The following ROS1 variants were observed in gnomAD, a reference collection of about 807,000 sequenced individuals.
The protein encoded by ROS1 is ROS proto-oncogene 1, receptor tyrosine kinase, also known as proto-oncogene tyrosine-protein kinase ROS.
Under a neutral mutation model 273.5 loss-of-function variants are expected in ROS1, and 263 were observed. The ratio of observed to expected loss-of-function variants is 0.96; its 90% CI spans 0.87 to 1.06. The LOEUF is 1.06. Ranked by LOEUF, ROS1 falls within the 50% of genes least tolerant of loss-of-function variation. The pLI, the probability that ROS1 is intolerant of heterozygous loss-of-function variation, is 0.00. For missense variants in ROS1, 2,833 were observed against 2,751.1 expected (o/e 1.03, Z -0.67); for synonymous variants, 1,008 against 954.1 (o/e 1.06, Z -1.04).
chr6:117,294,919 C>G (rs112493179), intron 43 of ROS1, among the ~76,000 whole-genome samples: 113 of 152,176 alleles, frequency 7.4e-4, no homozygotes, highest in Non-Finnish European at 1.3e-3. Flanking sequence ...CAATCCCTAT[C>G]AAAATACCAA....
intron 42 of ROS1, among the ~76,000 whole-genome samples, chr6:117,307,629 G>C (rs950817210): frequency 9.9e-5 from 15 of 151,986 alleles, no homozygotes; most frequent in African/African-American, 3.6e-4. Flanking sequence ...GGTCAGATGT[G>C]TGTGTATCTG....
At chr6:117,336,396 C>A (rs1333097443) in intron 32 of ROS1, among the ~76,000 whole-genome samples, 2 of 151,984 alleles carry the variant, frequency 1.3e-5, no homozygotes, top group Non-Finnish European at 2.9e-5. Context: ...TTGTTCAGCT[C>A]CCACTTGTAA....
At chr6:117,329,633 G>A (rs1287166929) in intron 32 of ROS1, among the ~76,000 whole-genome samples, 187 bp from the exon 33 acceptor site, 3 of 152,130 alleles carry the variant, frequency 2.0e-5, no homozygotes, top group African/African-American at 7.2e-5. Flanking sequence ...TAATAAGTGT[G>A]TGAGTCCTTC....
intron 7 of ROS1, among the ~76,000 whole-genome samples, chr6:117,398,280 AAAAC>A (rs200457551): frequency 4.8e-4 from 68 of 140,544 alleles, no homozygotes; most frequent in African/African-American, 2.1e-3. Context: ...CACCGAAAAA[AAAAC>A]AACAACACAA....
chr6:117,321,584 A>G (rs932248842), intron 35 of ROS1, among the ~76,000 whole-genome samples, 190 bp from the exon 36 acceptor site: 1 of 152,188 alleles, frequency 6.6e-6, no homozygotes. Context: ...AAAGCCATAT[A>G]TAAGTACACA....
At chr6:117,333,268 G>A (rs1348890098) in intron 32 of ROS1, among the ~76,000 whole-genome samples, 1 of 151,794 alleles carries the variant, frequency 6.6e-6, no homozygotes, top group African/African-American at 2.4e-5. Context: ...ATACATTCCT[G>A]GATGCATACA....
At chr6:117,352,858 C>A in intron 27 of ROS1, 132 bp downstream of exon 27, 1 of 743,124 alleles carries the variant, frequency 1.3e-6, no homozygotes, top group Non-Finnish European at 2.2e-6. Context: ...ACACAGAAGA[C>A]TAGCAGAGTT....
intron 2 of ROS1, 77 bp downstream of exon 2, chr6:117,418,385 T>G: frequency 2.0e-6 from 2 of 988,902 alleles, no homozygotes; most frequent in Non-Finnish European, 3.1e-6. Context: ...ATTCTTACTG[T>G]GATAAAATCT....
intron 5 of ROS1, among the ~76,000 whole-genome samples, chr6:117,407,607 T>C (rs1245279118): frequency 6.6e-6 from 1 of 152,140 alleles, no homozygotes; most frequent in Non-Finnish European, 1.5e-5. Flanking sequence ...CAATACAATA[T>C]GCCTATACTT....
At chr6:117,306,310 T>C (rs910591421) in intron 42 of ROS1, among the ~76,000 whole-genome samples, 1 of 152,140 alleles carries the variant, frequency 6.6e-6, no homozygotes, top group African/African-American at 2.4e-5. Flanking sequence ...AAAAATAACA[T>C]GGTGAACCTC....
At chr6:117,317,401 CT>C in intron 38 of ROS1, 129 bp from the exon 39 acceptor site, 1 of 1,044,098 alleles carries the variant, frequency 9.6e-7, no homozygotes, top group Non-Finnish European at 1.4e-6. Flanking sequence ...GTCTCTAACA[CT>C]TCGTTTTCCA....
At chr6:117,324,661 T>C (rs746134009) in intron 34 of ROS1, among the ~76,000 whole-genome samples, 9 of 152,132 alleles carry the variant, frequency 5.9e-5, no homozygotes, top group Non-Finnish European at 1.3e-4. Flanking sequence ...ATCCACTCAA[T>C]CTTCTACTTT....
chr6:117,356,015 A>G lies in ROS1; in HGVS notation c.4126+614T>C, dbSNP rs139215694. 3.3e-3 allele frequency among the ~76,000 whole-genome samples: 509 copies of G among 152,202 alleles called. 7 individuals are homozygous for G. The highest frequency in any genetic ancestry group is 0.012 in the African/African-American group (492 of 41,528). On this transcript the variant is annotated intron_variant, in intron 26 of 43. Coordinates refer to ENST00000368507, the MANE Select transcript of ROS1 (RefSeq NM_001378902.1). Reference sequence around the variant, plus strand: ...AGTATATGGGGTATTTAGAGTATATATTTTTTTCTGTTGAATTACTCCTAA... The same window carrying G: ...AGTATATGGGGTATTTAGAGTATATGTTTTTTTCTGTTGAATTACTCCTAA...
chr6:117,414,025 G>GAAGAAAGC (rs59751042), intron 4 of ROS1, among the ~76,000 whole-genome samples: 78,498 of 151,292 alleles, frequency 0.52, 22,916 homozygotes, highest in African/African-American at 0.79. Flanking sequence ...AGAAAGAGAG[G>GAAGAAAGC]AAGAAAGCAA....
In ROS1 at chr6:117,301,148, G is replaced by A. The variant is rs759715493; in HGVS notation, c.6552-11C>T. On this transcript the variant is annotated splice_polypyrimidine_tract_variant and intron_variant, in intron 42 of 43. Coordinates refer to ENST00000368507, the MANE Select transcript of ROS1 (RefSeq NM_001378902.1). ...GTCATTAAATTCCACCTAAATATATGGGGAAAGATGGGAAAGTAAATAGCA... is the reference window on the plus strand; with the variant it reads ...GTCATTAAATTCCACCTAAATATATAGGGAAAGATGGGAAAGTAAATAGCA... The A allele has an allele frequency of 5.1e-6, 8 of 1,567,206 alleles. No homozygotes were observed. The highest frequency in any genetic ancestry group is 5.2e-6 in the Non-Finnish European group (6 of 1,163,804).
chr6:117,325,558 G>A (rs1776574365), intron 34 of ROS1, among the ~76,000 whole-genome samples: 2 of 152,176 alleles, frequency 1.3e-5, no homozygotes, highest in Non-Finnish European at 2.9e-5. Flanking sequence ...GAGGGATTAA[G>A]TAATCCAGCC....
At chr6:117,293,592 C>T (rs1027710003) in intron 43 of ROS1, among the ~76,000 whole-genome samples, 1 of 151,814 alleles carries the variant, frequency 6.6e-6, no homozygotes, top group South Asian at 2.1e-4. Context: ...ACATAAATTA[C>T]TTTTACAATA....
At position 117,383,373 on chromosome 6, in the gene ROS1, G is replaced by C. The variant is rs1216622336; in HGVS notation, c.2425C>G (p.Leu809Val). The change falls in exon 17 of 44, where the codon CTA becomes GTA. Residue 809 changes from leucine (L) to valine (V), a missense_variant. Leu to Val is a conservative substitution (Grantham distance 32). Coordinates refer to ENST00000368507, the MANE Select transcript of ROS1 (RefSeq NM_001378902.1). ...TTLYSVESTR[L>V]NGESSLVLQT... ...AGTACAAGGGAACTTTCCCCATTTA[G>C]TCTGGTGCTTTCCACTGAATAGAGT... 11 of 1,614,062 alleles carry C rather than the reference G, an allele frequency of 6.8e-6. 1 individual carries two copies. In the African/African-American group the frequency reaches 9.3e-5, roughly 14 times the overall value.
At chr6:117,318,358 G>A (rs1776064112) in intron 37 of ROS1, 106 bp from the exon 38 acceptor site, 1 of 799,752 alleles carries the variant, frequency 1.3e-6, no homozygotes. Context: ...TACCCTGAAA[G>A]CTGGAAACAG....
Sources: gnomAD v4.1 joint callset for allele counts (sites outside exome capture counted in the v4.1 genomes callset) on GRCh38, gnomAD v4.1.1 for gene constraint, MANE v1.5 for transcripts, NCBI Gene and HGNC (gene_info 2026-07-23, HGNC 2026-07-21) for gene names.